DYDC1: variants seen among roughly 807,000 people sequenced by gnomAD.
DYDC1 encodes the protein DPY30 domain-containing protein 1.
Under a neutral mutation model 27.9 loss-of-function variants are expected in DYDC1, and 21 were observed. The ratio of observed to expected loss-of-function variants is 0.75; its 90% confidence interval spans 0.53 to 1.08. The LOEUF is 1.08. Ranked by LOEUF, DYDC1 falls within the 50% of genes least tolerant of loss-of-function variation. The pLI is 0.00. For synonymous variants in DYDC1, 67 were observed against 65.8 expected, an observed-to-expected ratio of 1.02 and a Z score of -0.09; for missense variants, 202 against 205.9, an observed-to-expected ratio of 0.98 and a Z score of 0.12.
chr10:80,343,593 G>A (rs977409038), intron 3 of DYDC1, among the ~76,000 whole-genome samples: 10 of 151,766 alleles, frequency 6.6e-5, no homozygotes, highest in Non-Finnish European at 2.9e-5. Flanking sequence ...GCAGCATAGC[G>A]AGACCCCCAT....
At position 80,342,389 on chromosome 10, in the gene DYDC1, CA is replaced by C. The variant is rs780749297; in HGVS notation, c.250-29del. On this transcript the variant is annotated intron_variant, in intron 3 of 6. Transcript: ENST00000372202. ...GAATATTCAGAAATATGTCATATTA[CA>C]GTTAGATTAATTGCAAGATAATTAA... The C allele has an allele frequency of 3.1e-6, 5 of 1,605,362 alleles. No homozygotes were observed. The East Asian group carries it at 8.9e-5, about 29-fold the overall frequency.
At chr10:80,356,118 A>C (rs531779867) in intron 1 of DYDC1, 1 of 423,484 alleles carries the variant, frequency 2.4e-6, no homozygotes, top group Non-Finnish European at 3.2e-6. Context: ...AGGTCAGGGG[A>C]GGCTCTGTCT....
chr10:80,347,962 T>C (rs1231197728), intron 3 of DYDC1, among the ~76,000 whole-genome samples: 2 of 152,230 alleles, frequency 1.3e-5, no homozygotes, highest in African/African-American at 4.8e-5. Context: ...ATACAAATTT[T>C]AGAATTGGGT....
chr10:80,356,574 G>C, intron 1 of DYDC1, 138 bp downstream of exon 1: 2 of 985,516 alleles, frequency 2.0e-6, no homozygotes, highest in Non-Finnish European at 2.4e-6. Context: ...CCCCAGGCGC[G>C]AAGCGGCCTC....
At chr10:80,346,650 C>T (rs144580077) in intron 3 of DYDC1, among the ~76,000 whole-genome samples, 5 of 150,804 alleles carry the variant, frequency 3.3e-5, no homozygotes, top group East Asian at 2.0e-4. Flanking sequence ...TTAGTAGAGA[C>T]GGGGTTTCAC....
At chr10:80,353,778 G>T (rs1025008125) in intron 1 of DYDC1, among the ~76,000 whole-genome samples, 42 of 151,932 alleles carry the variant, frequency 2.8e-4, no homozygotes, top group Non-Finnish European at 5.4e-4. Context: ...CAGGTATGTT[G>T]TGAGGATTAC....
rs1003343902 is a variant in DYDC1, at chr10:80,342,283, C to T, written c.328G>A (p.Glu110Lys). ...CTTCAAATTACCTTGCCTAATTGTT[C>T]TTGAGCTCTCTGTAGTTCTTGTATT... The part of the protein sequence containing the change: ...QRIQELQRAQ[E>K]QLGKEMRMNM... Residue 110 changes from glutamate to lysine, a missense_variant, in exon 4 of 7, where the codon GAA (glutamate) becomes AAA (lysine). By Grantham distance (56) the Glu-to-Lys change is moderately conservative (BLOSUM62 1). Coordinates refer to ENST00000372202, the MANE Select transcript of DYDC1 (RefSeq NM_001269053.2). 11 of 1,613,696 alleles carry T rather than the reference C, an allele frequency of 6.8e-6. No homozygotes were observed. Among genetic ancestry groups the T allele is most frequent in the Non-Finnish European group, 9.3e-6 (11 of 1,179,846 alleles).
chr10:80,338,334 C>A, intron 6 of DYDC1, 133 bp downstream of exon 6: 1 of 1,378,440 alleles, frequency 7.3e-7, no homozygotes, highest in Non-Finnish European at 9.3e-7. Flanking sequence ...AACTGATTTT[C>A]TTTCTCTGAA....
chr10:80,348,093 A>G lies in DYDC1; in HGVS notation c.249+3808T>C, dbSNP rs190594510. On this transcript the variant is annotated intron_variant, in intron 3 of 6. Coordinates refer to ENST00000372202, the MANE Select transcript of DYDC1 (RefSeq NM_001269053.2). ...AACTCTTCTGATATATGAACACAAG[A>G]TATCTTTCCATTTATTTGTGTCTTC... is the stretch of plus-strand genomic sequence containing the variant. 1.4e-4 allele frequency among the ~76,000 whole-genome samples: 21 copies of G among 152,276 alleles called. No individual in the cohort carries two copies. The East Asian group carries it at 2.3e-3, about 17-fold the overall frequency.
chr10:80,339,096 C>T lies in DYDC1; in HGVS notation c.399+1G>A, dbSNP rs1183837651. 6.5e-6 allele frequency: 9 copies of T among 1,385,712 alleles called. No homozygotes were observed. The highest frequency in any genetic ancestry group is 8.8e-6 in the Non-Finnish European group (9 of 1,023,380). The allele number at this position is 1,385,712 out of a possible 1,614,324, so 85.8% of individuals were successfully genotyped here. A position where few individuals can be genotyped will look rare whatever the true frequency, so the allele number is the denominator to read the frequency against. ...AACATAGAATGACTTTTTCTTCTCA[C>T]CTCTGAATGTAGAATATCTTCATTC... On this transcript the variant is annotated splice_donor_variant, in intron 5 of 6. Coordinates refer to ENST00000372202, the MANE Select transcript of DYDC1 (RefSeq NM_001269053.2). LOFTEE classifies it high-confidence loss of function.
At chr10:80,347,913 T>A (rs1842766117) in intron 3 of DYDC1, among the ~76,000 whole-genome samples, 1 of 152,230 alleles carries the variant, frequency 6.6e-6, no homozygotes. Flanking sequence ...TTTTTCTTTC[T>A]TAGGATTGCT....
intron 1 of DYDC1, among the ~76,000 whole-genome samples, chr10:80,353,217 T>C (rs1023320416): frequency 6.6e-6 from 1 of 151,978 alleles, no homozygotes; most frequent in Admixed American, 6.5e-5. Context: ...TAATAACATA[T>C]GAAGCTCCTC....
intron 3 of DYDC1, among the ~76,000 whole-genome samples, chr10:80,346,444 C>CTTTTTTTTTTT (rs1032729095): frequency 0.021 from 1,714 of 83,390 alleles, 233 homozygotes; most frequent in African/African-American, 0.031. Flanking sequence ...TCTTCCCTTT[C>CTTTTTTTTTTT]TTTTTTTTTT....
chr10:80,342,236 A>G (rs1842354564), intron 4 of DYDC1, 33 bp downstream of exon 4: 1 of 1,592,976 alleles, frequency 6.3e-7, no homozygotes, highest in Admixed American at 1.7e-5. Context: ...GAGAGTTTTA[A>G]ATAAAACTGA....
intron 1 of DYDC1, among the ~76,000 whole-genome samples, chr10:80,353,389 C>G (rs1176965396): frequency 6.6e-6 from 1 of 151,096 alleles, no homozygotes; most frequent in African/African-American, 2.4e-5. Flanking sequence ...GTCTCGATCT[C>G]CTGACCTCGT....
rs1842127065 is a variant in DYDC1 at position 80,336,140 on chromosome 10, C to G, written c.*16G>C. ...GAAACAAACAAAAACATTTATTGCT[C>G]TTAGGTTGGTTGGTCCTACAAATCT... is the stretch of plus-strand genomic sequence containing the variant. On this transcript the variant is annotated 3_prime_UTR_variant, in exon 7 of 7. Transcript: ENST00000372202. 7.0e-7 allele frequency: 1 copy of G among 1,425,758 alleles called. No homozygotes were observed. Among genetic ancestry groups the G allele is most frequent in the Admixed American group, 2.0e-5 (1 of 51,058 alleles). 88.3% of individuals were successfully genotyped at this position (1,425,758 alleles called of 1,614,324 possible). A position where few individuals can be genotyped will look rare whatever the true frequency, so the allele number is the denominator to read the frequency against.
At chr10:80,347,080 C>T (rs561880271) in intron 3 of DYDC1, among the ~76,000 whole-genome samples, 4 of 147,090 alleles carry the variant, frequency 2.7e-5, no homozygotes, top group Non-Finnish European at 6.0e-5. Flanking sequence ...ACTCTGTGTC[C>T]GAAAAAGAAA....
chr10:80,340,882 C>T (rs1371398107), intron 4 of DYDC1, among the ~76,000 whole-genome samples: 1 of 152,128 alleles, frequency 6.6e-6, no homozygotes, highest in Non-Finnish European at 1.5e-5. Flanking sequence ...ACAGGCATAT[C>T]CCTGTGCTCA....
chr10:80,352,414 T>G (rs756467665), intron 2 of DYDC1, 41 bp downstream of exon 2: 2 of 1,519,184 alleles, frequency 1.3e-6, no homozygotes, highest in Admixed American at 4.7e-5. Context: ...GTTGGACCAG[T>G]TTTTTTTCTT....
Sources: gnomAD v4.1 joint callset for allele counts (sites outside exome capture counted in the v4.1 genomes callset) on GRCh38, gnomAD v4.1.1 for gene constraint, MANE v1.5 for transcripts, NCBI Gene and HGNC (gene_info 2026-07-23, HGNC 2026-07-21) for gene names.